ZFPM2: variants seen among roughly 807,000 people sequenced by gnomAD.
ZFPM2 encodes zinc finger protein ZFPM2.
ZFPM2 carries 20 observed loss-of-function variants against 98.6 expected under a neutral mutation model. That is an observed-to-expected ratio of 0.20 (90% CI 0.14 to 0.29). ZFPM2 has a LOEUF of 0.29. ZFPM2 is among the 10% of genes least tolerant of loss of function. ZFPM2 has a pLI of 1.00. For synonymous variants in ZFPM2, 518 were observed against 502.7 expected (o/e 1.03, Z -0.41); for missense variants, 1,310 against 1,388.6 (o/e 0.94, Z 0.90).
At chr8:105,417,708 T>C (rs1416740458) in intron 1 of ZFPM2, among the ~76,000 whole-genome samples, 1 of 152,160 alleles carries the variant, frequency 6.6e-6, no homozygotes, top group Non-Finnish European at 1.5e-5. Flanking sequence ...GTTAATAAGA[T>C]AAAATCTAAT....
chr8:105,679,150 A>G (rs1458817150), intron 5 of ZFPM2: 2 of 152,212 alleles, frequency 1.3e-5, no homozygotes, highest in Non-Finnish European at 2.9e-5. Flanking sequence ...CTGCAAATGC[A>G]TTATGCACAA....
At chr8:105,401,893 A>G (rs1811347921) in intron 1 of ZFPM2, among the ~76,000 whole-genome samples, 1 of 152,116 alleles carries the variant, frequency 6.6e-6, no homozygotes, top group South Asian at 2.1e-4. Context: ...GTTTGTAAGT[A>G]GTTTATGGAA....
intron 3 of ZFPM2, among the ~76,000 whole-genome samples, chr8:105,445,842 T>A (rs1812358008): frequency 6.6e-6 from 1 of 152,004 alleles, no homozygotes; most frequent in Non-Finnish European, 1.5e-5. Flanking sequence ...TGAGCTCAAA[T>A]GATCTGCCCG....
At chr8:105,781,134 A>T (rs1813237751) in intron 5 of ZFPM2, among the ~76,000 whole-genome samples, 1 of 152,096 alleles carries the variant, frequency 6.6e-6, no homozygotes, top group Non-Finnish European at 1.5e-5. Context: ...AGTCCCAGAG[A>T]CTGATTTGAT....
intron 3 of ZFPM2, among the ~76,000 whole-genome samples, chr8:105,518,707 G>T (rs1325820335): frequency 1.3e-5 from 2 of 152,334 alleles, no homozygotes; most frequent in African/African-American, 4.8e-5. Context: ...CCTGGTTGAA[G>T]AGTGCATACC....
At chr8:105,332,358 T>C (rs1202584814) in intron 1 of ZFPM2, among the ~76,000 whole-genome samples, 1 of 151,738 alleles carries the variant, frequency 6.6e-6, no homozygotes, top group Non-Finnish European at 1.5e-5. Flanking sequence ...CTACAGTTGC[T>C]AGAAAAATAC....
chr8:105,434,203 T>G (rs551357630), intron 2 of ZFPM2, among the ~76,000 whole-genome samples: 30 of 152,272 alleles, frequency 2.0e-4, no homozygotes, highest in African/African-American at 5.8e-4. Flanking sequence ...TTTTTTTTTT[T>G]TTAGGTATTG....
At chr8:105,383,465 CT>C (rs1350230991) in intron 1 of ZFPM2, among the ~76,000 whole-genome samples, 2 of 152,032 alleles carry the variant, frequency 1.3e-5, no homozygotes, top group African/African-American at 4.8e-5. Context: ...TTATTTTGTT[CT>C]TCTGTTTTAA....
intron 1 of ZFPM2, among the ~76,000 whole-genome samples, chr8:105,372,970 A>G (rs1810653971): frequency 6.6e-6 from 1 of 152,198 alleles, no homozygotes; most frequent in South Asian, 2.1e-4. Context: ...TGGCAATAAT[A>G]TTCAAAATCC....
At chr8:105,478,948 A>G (rs1563677512) in intron 3 of ZFPM2, among the ~76,000 whole-genome samples, 2 of 152,334 alleles carry the variant, frequency 1.3e-5, no homozygotes, top group South Asian at 4.1e-4. Context: ...TAAAGAAGGG[A>G]CCAAAGATAA....
intron 4 of ZFPM2, among the ~76,000 whole-genome samples, chr8:105,580,184 G>A (rs1815559079): frequency 6.6e-6 from 1 of 152,154 alleles, no homozygotes. Context: ...CAAACATAAA[G>A]ATATGTGCTG....
At chr8:105,391,244 T>C (rs1263991981) in intron 1 of ZFPM2, among the ~76,000 whole-genome samples, 1 of 152,234 alleles carries the variant, frequency 6.6e-6, no homozygotes, top group Non-Finnish European at 1.5e-5. Context: ...TGTATTGGAC[T>C]TTCCCCAGAA....
intron 3 of ZFPM2, among the ~76,000 whole-genome samples, chr8:105,560,952 C>A (rs1195709249): frequency 6.6e-6 from 1 of 152,124 alleles, no homozygotes; most frequent in Non-Finnish European, 1.5e-5. Flanking sequence ...CCAAGTACTT[C>A]AAAAACTCTC....
chr8:105,603,457 T>C (rs989496091), intron 4 of ZFPM2, among the ~76,000 whole-genome samples: 7 of 152,116 alleles, frequency 4.6e-5, no homozygotes, highest in African/African-American at 1.4e-4. Context: ...GACAAGCATC[T>C]TTGTGAATTT....
At chr8:105,361,511 C>T (rs1373318920) in intron 1 of ZFPM2, among the ~76,000 whole-genome samples, 1 of 151,680 alleles carries the variant, frequency 6.6e-6, no homozygotes, top group Non-Finnish European at 1.5e-5. Context: ...CTTTTGTTGC[C>T]ATTGCTTTTG....
chr8:105,707,069 C>G (rs1811281064), intron 5 of ZFPM2, among the ~76,000 whole-genome samples: 1 of 151,674 alleles, frequency 6.6e-6, no homozygotes, highest in Non-Finnish European at 1.5e-5. Context: ...AAGGAGACCT[C>G]ATCTCTATTA....
At chr8:105,503,606 C>T (rs1030110508) in intron 3 of ZFPM2, among the ~76,000 whole-genome samples, 5 of 152,124 alleles carry the variant, frequency 3.3e-5, no homozygotes, top group African/African-American at 1.2e-4. Context: ...TATCTGTGAG[C>T]AGGGTTATGT....
chr8:105,425,149 T>A (rs1785728054), intron 2 of ZFPM2, among the ~76,000 whole-genome samples: 2 of 152,268 alleles, frequency 1.3e-5, no homozygotes, highest in Non-Finnish European at 2.9e-5. Flanking sequence ...CTGCTGCTCT[T>A]GGAATCTGTT....
intron 3 of ZFPM2, among the ~76,000 whole-genome samples, chr8:105,487,308 G>T (rs1813249332): frequency 6.6e-6 from 1 of 152,036 alleles, no homozygotes; most frequent in African/African-American, 2.4e-5. Context: ...TTGAAGAAAT[G>T]AGGTCTTCCC....
Sources: allele counts gnomAD v4.1 joint callset (sites outside exome capture counted in the v4.1 genomes callset), GRCh38; gene constraint gnomAD v4.1.1; transcripts MANE v1.5; gene names NCBI Gene and HGNC (gene_info 2026-07-23, HGNC 2026-07-21).